Variants in BRD1 observed in about 807,000 individuals in gnomAD.
The protein encoded by BRD1 is bromodomain-containing protein 1.
BRD1 carries 24 observed loss-of-function variants against 107.7 expected under a neutral mutation model. The ratio of observed to expected loss-of-function variants is 0.22; its 90% confidence interval spans 0.16 to 0.31. BRD1 has a LOEUF of 0.31. BRD1 is among the 10% of genes least tolerant of loss of function. The probability of loss-of-function intolerance (pLI) is 1.00; values close to 1 mark genes in which losing one functional copy is unlikely to be tolerated. For missense variants in BRD1, 1,279 were observed against 1,638.6 expected (o/e 0.78, Z 3.79); for synonymous variants, 744 against 686.1 (o/e 1.08, Z -1.32).
In BRD1 at chr22:49,783,533, A is replaced by G. The variant is rs1444532273; in HGVS notation, c.2857+3857T>C. Among the ~76,000 whole-genome samples, 2 of 152,332 alleles carry G rather than the reference A, an allele frequency of 1.3e-5. No individual in the cohort carries two copies. The highest frequency in any genetic ancestry group is 3.9e-4 in the East Asian group (2 of 5,180). On this transcript the variant is annotated intron_variant, in intron 8 of 12. Transcript: ENST00000404760. The surrounding 1 kb of genome is among the most constrained non-coding windows in gnomAD (Gnocchi z 4.2). ...CGTCACACCCAAACCACCAGTCACTATGGGACGGCTCCGCACATGCTCAGG... is the reference window on the plus strand; with the variant it reads ...CGTCACACCCAAACCACCAGTCACTGTGGGACGGCTCCGCACATGCTCAGG...
chr22:49,786,843 G>A (rs1029000799), intron 8 of BRD1, among the ~76,000 whole-genome samples: 1 of 152,162 alleles, frequency 6.6e-6, no homozygotes, highest in African/African-American at 2.4e-5. Flanking sequence ...AGGTGCAGCG[G>A]CTCACACATC....
At chr22:49,778,527 A>G (rs569438655) in intron 8 of BRD1, among the ~76,000 whole-genome samples, 2 of 152,278 alleles carry the variant, frequency 1.3e-5, no homozygotes, top group East Asian at 3.9e-4. Context: ...CCCCCTAAAA[A>G]TCCTGACTTT....
At chr22:49,774,839 G>A (rs981771015) in intron 12 of BRD1, among the ~76,000 whole-genome samples, 6 of 152,258 alleles carry the variant, frequency 3.9e-5, no homozygotes, top group Non-Finnish European at 7.3e-5. Flanking sequence ...CGTGGCCAAA[G>A]AGGCAGAGGT....
At position 49,793,888 on chromosome 22, in the gene BRD1, G is replaced by A. The variant is rs1016407787; in HGVS notation, c.2359+146C>T. On this transcript the variant is annotated intron_variant, in intron 7 of 12. Transcript: ENST00000404760. ...GCCCAGTGGGAAAATCAAGTGTTCC[G>A]GGATTTGTGAATTTTACGGAACTGG... 51 of 1,120,568 alleles carry A rather than the reference G, an allele frequency of 4.6e-5. 1 individual carries two copies. Among genetic ancestry groups the A allele is most frequent in the Middle Eastern group, 6.1e-4 (2 of 3,266 alleles). The allele number at this position is 1,120,568 out of a possible 1,614,324, so 69.4% of individuals were successfully genotyped here.
Position 49,824,863 on chromosome 22 carries a change from CCA to C in BRD1, c.-14-534_-14-533del. The C allele has an allele frequency of 1.0e-6, 1 of 987,148 alleles. No homozygotes were observed. Among genetic ancestry groups the C allele is most frequent in the Non-Finnish European group, 1.2e-6 (1 of 824,440 alleles). 61.1% of individuals were successfully genotyped at this position (987,148 alleles called of 1,614,324 possible). Reference sequence around the variant, plus strand: ...CTCCCAGGAGAGCACTCCCATGAGCCCAGAGTCACCACAGTCCTTGCAGCATT... The same window carrying C: ...CTCCCAGGAGAGCACTCCCATGAGCCGAGTCACCACAGTCCTTGCAGCATT... On this transcript the variant is annotated intron_variant, in intron 1 of 12. Coordinates refer to ENST00000404760, the MANE Select transcript of BRD1 (RefSeq NM_001304808.3). This position sits in a 1 kb window ranked among gnomAD's most constrained non-coding sequence, Gnocchi z 5.9.
At chr22:49,815,852 C>T (rs978779443) in intron 2 of BRD1, among the ~76,000 whole-genome samples, 1 of 152,206 alleles carries the variant, frequency 6.6e-6, no homozygotes, top group Non-Finnish European at 1.5e-5. Flanking sequence ...TCCAATGTGT[C>T]GTCCTGGCGC....
At chr22:49,799,914 C>T (rs544492111) in intron 3 of BRD1, among the ~76,000 whole-genome samples, 9 of 152,180 alleles carry the variant, frequency 5.9e-5, no homozygotes, top group Non-Finnish European at 1.2e-4. Context: ...GTCACAGTGC[C>T]GGGGCACCCT....
chr22:49,827,360 AGCCGCCGCCGCCGCC>A (rs1270219044), intron 1 of BRD1, 122 bp downstream of exon 1: 6 of 151,270 alleles, frequency 4.0e-5, no homozygotes, highest in African/African-American at 1.3e-4. Context: ...GACAATGCGG[AGCCGCCGCCGCCGCC>A]GCCGCCGCCA....
chr22:49,775,665 C>G lies in BRD1; in HGVS notation c.3312G>C (p.Lys1104Asn), dbSNP rs199930732. 3 of 1,613,876 alleles carry G rather than the reference C, an allele frequency of 1.9e-6. No individual in the cohort carries two copies. Among genetic ancestry groups the G allele is most frequent in the East Asian group, 2.2e-5 (1 of 44,882 alleles). ...ACTTGGTCTGCATGTGCTCCCCAAT[C>G]TTCAGCACGTCCAGGGGTGGGGCCG... ...TIPAPPLDVL[K>N]IGEHMQTKSD... The change falls in exon 12 of 13, where the codon AAG becomes AAC. Residue 1104 changes from lysine to asparagine, a missense_variant. By Grantham distance (94) the Lys-to-Asn change is moderately conservative. Around this residue, in one of 7 missense-constraint regions of BRD1, gnomAD observed 136 missense variants for 196.8 expected, o/e 0.69. Transcript: ENST00000404760.
intron 2 of BRD1, chr22:49,818,468 T>G: frequency 1.1e-6 from 1 of 919,756 alleles, no homozygotes; most frequent in Non-Finnish European, 1.3e-6. Context: ...AAACCCTGTT[T>G]GTCTTTTCAC....
chr22:49,807,562 T>G (rs1472006913), intron 2 of BRD1, among the ~76,000 whole-genome samples: 1 of 152,184 alleles, frequency 6.6e-6, no homozygotes, highest in Non-Finnish European at 1.5e-5. Flanking sequence ...GATATGGCCA[T>G]GCAAAAGAAT....
At position 49,787,310 on chromosome 22, in the gene BRD1, C is replaced by G. The variant is rs1039152986; in HGVS notation, c.2857+80G>C. The G allele has an allele frequency of 1.3e-4, 149 of 1,138,884 alleles. 7 individuals are homozygous for G. The highest frequency in any genetic ancestry group is 1.2e-3 in the Middle Eastern group (4 of 3,290). 70.5% of individuals were successfully genotyped at this position (1,138,884 alleles called of 1,614,324 possible). A position where few individuals can be genotyped will look rare whatever the true frequency, so the allele number is the denominator to read the frequency against. On this transcript the variant is annotated intron_variant, in intron 8 of 12. Transcript: ENST00000404760. ...AACAGAAGCTGGACACCCCCCCCCC[C>G]CCGTCACACCAATGATCCTGAAGGA...
chr22:49,788,002 C>T, intron 7 of BRD1, 115 bp from the exon 8 acceptor site: 1 of 1,061,366 alleles, frequency 9.4e-7, no homozygotes, highest in Non-Finnish European at 1.3e-6. Context: ...GGAAACAAGG[C>T]ATCGCATGTA....
intron 8 of BRD1, 89 bp downstream of exon 8, chr22:49,787,299 ACC>A (rs138839): frequency 0.015 from 7,902 of 536,516 alleles, 5 homozygotes; most frequent in East Asian, 0.025. Flanking sequence ...GAAGCTGGAC[ACC>A]CCCCCCCCCC....
chr22:49,807,759 T>A (rs1186909376), intron 2 of BRD1, among the ~76,000 whole-genome samples: 1 of 152,186 alleles, frequency 6.6e-6, no homozygotes, highest in Non-Finnish European at 1.5e-5. Context: ...AAACTGGGCT[T>A]CATGAAAAAT....
rs531245847 is a variant in BRD1, at chr22:49,793,251, G to A, written c.2359+783C>T. Among the ~76,000 whole-genome samples the A allele has an allele frequency of 2.0e-5, 3 of 152,218 alleles. No homozygotes were observed. In the South Asian group the frequency reaches 6.2e-4, roughly 32 times the overall value. On this transcript the variant is annotated intron_variant, in intron 7 of 12. Transcript: ENST00000404760. ...AAAATTCCTCTTTCACCAAATATGG[G>A]ACACACCAGCTCTACTTCCTCACCC...
rs2060119851 is a variant in BRD1 at position 49,824,141 on chromosome 22, G to T, written c.177C>A (p.Ile59=). 1.9e-6 allele frequency: 3 copies of T among 1,613,842 alleles called. No homozygotes were observed. In the African/African-American group the frequency reaches 4.0e-5, roughly 22 times the overall value. The change falls in exon 2 of 13, where the codon ATC becomes ATA. Residue 59 remains isoleucine (I), a synonymous_variant. Transcript: ENST00000404760. This position sits in a 1 kb window ranked among gnomAD's most constrained non-coding sequence, Gnocchi z 5.9. ...GAGCAGTGAGGTCATCTTCCAATAT[G>T]ATCTCCAGGGGATCAAAAATACTGA... is the stretch of plus-strand genomic sequence containing the variant. The part of the protein sequence containing the change: ...HRISIFDPLE[I]ILEDDLTAQE...
At chr22:49,789,490 T>TCCCCCCCCCCCCCCCC (rs377366419) in intron 7 of BRD1, among the ~76,000 whole-genome samples, 1 of 139,682 alleles carries the variant, frequency 7.2e-6, no homozygotes, top group African/African-American at 2.6e-5. Context: ...CCTCCTAGCC[T>TCCCCCCCCCCCCCCCC]CCCCCCCCCG....
intron 7 of BRD1, among the ~76,000 whole-genome samples, chr22:49,793,152 T>C (rs1387741678): frequency 6.6e-6 from 1 of 152,144 alleles, no homozygotes; most frequent in African/African-American, 2.4e-5. Flanking sequence ...CGTGTCAAGG[T>C]CAACTGCAGA....
Sources: allele counts gnomAD v4.1 joint callset (sites outside exome capture counted in the v4.1 genomes callset), GRCh38; gene constraint gnomAD v4.1.1; regional missense constraint gnomAD v4.1.1; non-coding constraint Gnocchi (gnomAD v3.1); transcripts MANE v1.5; gene names NCBI Gene and HGNC (gene_info 2026-07-23, HGNC 2026-07-21).